SEMA5B: variants seen among roughly 807,000 people sequenced by gnomAD.
SEMA5B encodes the protein semaphorin-5B.
Under a neutral mutation model 135.0 loss-of-function variants are expected in SEMA5B, and 66 were observed. The ratio of observed to expected loss-of-function variants is 0.49; its 90% CI spans 0.40 to 0.60. The LOEUF is 0.60. SEMA5B is among the 20% of genes least tolerant of loss of function. The pLI is 0.00. For synonymous variants in SEMA5B, 690 were observed against 639.5 expected (o/e 1.08, Z -1.19); for missense variants, 1,501 against 1,566.3 (o/e 0.96, Z 0.70).
chr3:122,952,216 G>C (rs78865964), intron 2 of SEMA5B, among the ~76,000 whole-genome samples: 1 of 152,128 alleles, frequency 6.6e-6, no homozygotes, highest in East Asian at 1.9e-4. Flanking sequence ...TTTTCACACC[G>C]TCACTCACAT....
rs1938397259 is a variant in SEMA5B at position 122,922,262 on chromosome 3, G to A, written c.1458C>T (p.Tyr486=). The A allele has an allele frequency of 6.2e-7, 1 of 1,613,988 alleles. No individual in the cohort carries two copies. The highest frequency in any genetic ancestry group is 8.5e-7 in the Non-Finnish European group (1 of 1,179,908). The change falls in exon 11 of 23, where the codon TAC becomes TAT. Residue 486 remains tyrosine, a synonymous_variant. Coordinates refer to ENST00000357599, the MANE Select transcript of SEMA5B (RefSeq NM_001031702.4). Reference sequence around the variant, plus strand: ...CACCGGTGCCAATGTAGAGTACATGGTAGAGCGTGTCTTTAGCCTGCACCA... The same window carrying A: ...CACCGGTGCCAATGTAGAGTACATGATAGAGCGTGTCTTTAGCCTGCACCA... The part of the protein sequence containing the change: ...VDLVQAKDTL[Y]HVLYIGTESG...
chr3:122,940,149 T>A (rs571621618), intron 4 of SEMA5B, among the ~76,000 whole-genome samples: 1 of 152,342 alleles, frequency 6.6e-6, no homozygotes, highest in Admixed American at 6.5e-5. Context: ...TCCAGACTTA[T>A]CAACCTCAAA....
At chr3:122,938,126 T>C (rs1015043457) in intron 5 of SEMA5B, among the ~76,000 whole-genome samples, 6 of 152,238 alleles carry the variant, frequency 3.9e-5, no homozygotes, top group African/African-American at 1.4e-4. Flanking sequence ...GAATCGTATG[T>C]GATCCCTTAT....
rs551341759 is a variant in SEMA5B at position 122,916,235 on chromosome 3, A to G, written c.1689-345T>C. On this transcript the variant is annotated intron_variant, in intron 12 of 22. Coordinates refer to ENST00000357599, the MANE Select transcript of SEMA5B (RefSeq NM_001031702.4). ...CTTTCCCCAAATATGGGTGCCCCAT[A>G]CTCCTCACCCACAGCCACAGGTGCA... Among the ~76,000 whole-genome samples, 9 of 152,188 alleles carry G rather than the reference A, an allele frequency of 5.9e-5. No homozygotes were observed. The East Asian group carries it at 1.2e-3, about 20-fold the overall frequency.
At chr3:122,919,065 C>T (rs901199420) in intron 12 of SEMA5B, among the ~76,000 whole-genome samples, 6 of 143,096 alleles carry the variant, frequency 4.2e-5, no homozygotes, top group Non-Finnish European at 7.5e-5. Flanking sequence ...AGGTTCATTC[C>T]ATGGGCTCGG....
intron 1 of SEMA5B, among the ~76,000 whole-genome samples, chr3:122,993,768 A>C (rs1301515799): frequency 6.6e-6 from 1 of 151,306 alleles, no homozygotes; most frequent in Non-Finnish European, 1.5e-5. Flanking sequence ...GAGGGTGATA[A>C]TGCCACCCCT....
intron 9 of SEMA5B, among the ~76,000 whole-genome samples, chr3:122,924,449 G>A (rs1938523000): frequency 6.6e-6 from 1 of 152,148 alleles, no homozygotes; most frequent in Non-Finnish European, 1.5e-5. Context: ...CCTCCTGGTG[G>A]TCTGCCTGCA....
intron 1 of SEMA5B, among the ~76,000 whole-genome samples, chr3:122,961,723 G>A (rs1940592220): frequency 6.6e-6 from 1 of 152,076 alleles, no homozygotes; most frequent in African/African-American, 2.4e-5. Context: ...CTCCCAAAGT[G>A]TCCTCCTGCC....
chr3:122,918,570 A>G (rs1261703705), intron 12 of SEMA5B, among the ~76,000 whole-genome samples: 2 of 152,212 alleles, frequency 1.3e-5, no homozygotes, highest in African/African-American at 4.8e-5. Context: ...GCAGAATAGC[A>G]AAGAAGAAAA....
chr3:122,945,406 A>G (rs1939740318), intron 3 of SEMA5B, among the ~76,000 whole-genome samples: 1 of 152,110 alleles, frequency 6.6e-6, no homozygotes, highest in Non-Finnish European at 1.5e-5. Context: ...TAAATATTAC[A>G]TTACCTTAGA....
At chr3:122,994,967 T>A (rs529704114) in intron 1 of SEMA5B, among the ~76,000 whole-genome samples, 1 of 152,144 alleles carries the variant, frequency 6.6e-6, no homozygotes, top group East Asian at 1.9e-4. Flanking sequence ...GGTGAGCTGC[T>A]TAAAGGGGAA....
At chr3:122,939,946 C>T (rs1398116990) in intron 4 of SEMA5B, among the ~76,000 whole-genome samples, 1 of 152,202 alleles carries the variant, frequency 6.6e-6, no homozygotes, top group African/African-American at 2.4e-5. Context: ...GGCCAGCCAT[C>T]TCTCCTGGCT....
intron 14 of SEMA5B, 129 bp from the exon 15 acceptor site, chr3:122,914,130 T>A: frequency 2.9e-6 from 3 of 1,034,896 alleles, no homozygotes; most frequent in Non-Finnish European, 4.0e-6. Context: ...AGAAATATCT[T>A]CTCCTAAACA....
Position 122,926,634 on chromosome 3 carries a change from G to A in SEMA5B, c.894C>T (p.Tyr298=). ...CCACTGCGTTCTCCCGCAGGAAGAA[G>A]TATGCAAACAGCCCAATATCATAGG... ...VAAYDIGLFA[Y]FFLRENAVEH... is the part of the protein sequence containing the mutation. Residue 298 remains tyrosine (Y), a synonymous_variant, in exon 9 of 23, where the codon TAC becomes TAT. Coordinates refer to ENST00000357599, the MANE Select transcript of SEMA5B (RefSeq NM_001031702.4). The A allele has an allele frequency of 6.8e-6, 11 of 1,614,236 alleles. No homozygotes were observed. Among genetic ancestry groups the A allele is most frequent in the Non-Finnish European group, 9.3e-6 (11 of 1,180,034 alleles).
rs34037493 is a variant in SEMA5B at position 122,915,818 on chromosome 3, G to A, written c.1761C>T (p.Asp587=). 6.2e-7 allele frequency: 1 copy of A among 1,614,062 alleles called. No individual in the cohort carries two copies. Residue 587 remains aspartate (D), a synonymous_variant, in exon 13 of 23, where the codon GAC becomes GAT. Transcript: ENST00000357599. Reference sequence around the variant, plus strand: ...GGGTCCAGAGGCTCATGTTGGAGCTGTCCTCGAGTGTGCTGCAACGTTGCT... The same window carrying A: ...GGGTCCAGAGGCTCATGTTGGAGCTATCCTCGAGTGTGCTGCAACGTTGCT... ...GKQQRCSTLE[D]SSNMSLWTQN...
At chr3:123,001,537 A>G (rs773877967) in intron 1 of SEMA5B, among the ~76,000 whole-genome samples, 28 of 152,120 alleles carry the variant, frequency 1.8e-4, no homozygotes, top group Non-Finnish European at 2.9e-4. Context: ...CTTCCTACCT[A>G]TCTCCCTTTC....
At chr3:122,977,348 G>A (rs982592675) in intron 1 of SEMA5B, among the ~76,000 whole-genome samples, 9 of 152,204 alleles carry the variant, frequency 5.9e-5, no homozygotes, top group Non-Finnish European at 1.2e-4. Flanking sequence ...GCAAATAAAT[G>A]ACAAATAATT....
chr3:122,966,441 G>A (rs866949464), intron 1 of SEMA5B, among the ~76,000 whole-genome samples: 1 of 152,168 alleles, frequency 6.6e-6, no homozygotes, highest in Non-Finnish European at 1.5e-5. Context: ...GGACTACATT[G>A]ACTAGCTGGG....
At chr3:122,912,733 A>C (rs1176996150) in intron 18 of SEMA5B, 110 bp downstream of exon 18, 5 of 1,089,710 alleles carry the variant, frequency 4.6e-6, no homozygotes, top group Non-Finnish European at 6.6e-6. Context: ...GTTGGCAGGG[A>C]GAAGGGGTCA....
Sources: allele counts gnomAD v4.1 joint callset (sites outside exome capture counted in the v4.1 genomes callset), GRCh38; gene constraint gnomAD v4.1.1; transcripts MANE v1.5; gene names NCBI Gene and HGNC (gene_info 2026-07-23, HGNC 2026-07-21).